The following OR1J2 variants were observed in gnomAD, a reference collection of about 807,000 sequenced individuals.
OR1J2 encodes olfactory receptor family 1 subfamily J member 2, also known as olfactory receptor 1J2.
For synonymous variants in OR1J2, 142 were observed against 99.7 expected, an observed-to-expected ratio of 1.42 and a Z score of -2.52; for missense variants, 304 against 246.1, an observed-to-expected ratio of 1.24 and a Z score of -1.57.
chr9:122,493,836 T>C, the OR1J2 span, among the ~76,000 whole-genome samples: 1 of 152,182 alleles, frequency 6.6e-6, no homozygotes, highest in Non-Finnish European at 1.5e-5. Context: ...CATTTAATGC[T>C]ATGAACTCTC....
the OR1J2 span, among the ~76,000 whole-genome samples, chr9:122,522,994 G>A: frequency 5.3e-5 from 8 of 152,158 alleles, no homozygotes; most frequent in Admixed American, 3.9e-4. Context: ...TATATACACT[G>A]TTACTATCTA....
the OR1J2 span, chr9:122,526,681 G>T: frequency 1.2e-6 from 2 of 1,614,198 alleles, no homozygotes; most frequent in South Asian, 2.2e-5. Context: ...GGGACGATGA[G>T]TACGGTGCCT....
the OR1J2 span, among the ~76,000 whole-genome samples, chr9:122,470,775 G>A: frequency 6.6e-6 from 1 of 152,214 alleles, no homozygotes; most frequent in Non-Finnish European, 1.5e-5. Context: ...CCCACCTCTT[G>A]CATCAGCATG....
chr9:122,567,921 A>G, the OR1J2 span: 1 of 1,614,108 alleles, frequency 6.2e-7, no homozygotes, highest in African/African-American at 1.3e-5. Flanking sequence ...GGACAATTTC[A>G]GCACAGGGCT....
the OR1J2 span, among the ~76,000 whole-genome samples, chr9:122,499,625 T>G: frequency 1.3e-5 from 2 of 152,160 alleles, no homozygotes; most frequent in African/African-American, 4.8e-5. Context: ...CCAGGATCTC[T>G]GCACAGGAAG....
the OR1J2 span, among the ~76,000 whole-genome samples, chr9:122,480,310 G>A: frequency 5.8e-4 from 89 of 152,230 alleles, no homozygotes; most frequent in African/African-American, 2.1e-3. Context: ...TGATAAAGTA[G>A]TAAAAAGGAA....
the OR1J2 span, among the ~76,000 whole-genome samples, chr9:122,481,957 G>A: frequency 1.3e-5 from 2 of 152,140 alleles, no homozygotes; most frequent in East Asian, 1.9e-4. Flanking sequence ...TTTAGACAAG[G>A]ATTTTTTTGA....
At chr9:122,542,705 A>G in the OR1J2 span, among the ~76,000 whole-genome samples, 1 of 152,164 alleles carries the variant, frequency 6.6e-6, no homozygotes, top group Non-Finnish European at 1.5e-5. Context: ...AAATGTACCT[A>G]TTTTAGGTGC....
the OR1J2 span, chr9:122,526,509 G>T: frequency 1.4e-5 from 22 of 1,592,886 alleles, no homozygotes; most frequent in Non-Finnish European, 1.9e-5. Context: ...AGAGGCAATG[G>T]AGGGAGGACA....
At chr9:122,540,126 C>G in the OR1J2 span, among the ~76,000 whole-genome samples, 526 of 151,810 alleles carry the variant, frequency 3.5e-3, 2 homozygotes, top group African/African-American at 0.012. Flanking sequence ...TTAATTAGAT[C>G]CCATTTGTCA....
the OR1J2 span, among the ~76,000 whole-genome samples, chr9:122,564,622 AC>A: frequency 3.3e-5 from 5 of 152,216 alleles, no homozygotes; most frequent in African/African-American, 1.2e-4. Context: ...CTGGAGAATG[AC>A]AGTGGATTAT....
chr9:122,457,271 G>A, the OR1J2 span, among the ~76,000 whole-genome samples: 1 of 152,096 alleles, frequency 6.6e-6, no homozygotes, highest in East Asian at 1.9e-4. Flanking sequence ...CGTACATGAG[G>A]CTTAATACCT....
the OR1J2 span, among the ~76,000 whole-genome samples, chr9:122,563,720 T>G: frequency 9.2e-5 from 14 of 152,220 alleles, no homozygotes; most frequent in Admixed American, 3.3e-4. Context: ...CCCCTATGGC[T>G]TTGTCTAGTA....
the OR1J2 span, chr9:122,526,932 T>G: frequency 6.2e-7 from 1 of 1,614,134 alleles, no homozygotes; most frequent in Non-Finnish European, 8.5e-7. Context: ...AATGGCCACA[T>G]AGCGGTCATA....
chr9:122,504,708 T>C, the OR1J2 span, among the ~76,000 whole-genome samples: 1 of 152,150 alleles, frequency 6.6e-6, no homozygotes, highest in Non-Finnish European at 1.5e-5. Flanking sequence ...ATCTGATCTA[T>C]TGTATTTCAA....
chr9:122,520,121 A>C, the OR1J2 span: 1 of 1,431,542 alleles, frequency 7.0e-7, no homozygotes, highest in Non-Finnish European at 9.6e-7. Flanking sequence ...GTACTGACCT[A>C]TTTCCAGATC....
At chr9:122,564,083 G>T in the OR1J2 span, among the ~76,000 whole-genome samples, 1 of 152,150 alleles carries the variant, frequency 6.6e-6, no homozygotes, top group Non-Finnish European at 1.5e-5. Flanking sequence ...TGGGAAAAGG[G>T]AAATGATCTG....
chr9:122,520,212 A>T, the OR1J2 span: 4 of 592,984 alleles, frequency 6.7e-6, no homozygotes, highest in Non-Finnish European at 1.1e-5. Flanking sequence ...TGTTACAGTT[A>T]TTCTCCCTTT....
At chr9:122,478,810 C>T in the OR1J2 span, among the ~76,000 whole-genome samples, 1 of 152,120 alleles carries the variant, frequency 6.6e-6, no homozygotes, top group Non-Finnish European at 1.5e-5. Context: ...GACAGAGTCT[C>T]GCTCTGTTGC....
Sources: gnomAD v4.1 joint callset for allele counts (sites outside exome capture counted in the v4.1 genomes callset) on GRCh38, gnomAD v4.1.1 for gene constraint, MANE v1.5 for transcripts, NCBI Gene and HGNC (gene_info 2026-07-23, HGNC 2026-07-21) for gene names.